ARFGEF1: variants seen among roughly 807,000 people sequenced by gnomAD.
ARFGEF1 encodes the protein brefeldin A-inhibited guanine nucleotide-exchange protein 1.
In ARFGEF1, 42 loss-of-function variants were observed where a neutral mutation model predicts 231.0. The ratio of observed to expected loss-of-function variants is 0.18; its 90% CI spans 0.14 to 0.24. The LOEUF (loss-of-function observed/expected upper bound fraction) is 0.24, where lower values mean the gene tolerates loss of function less well. Ranked by LOEUF, ARFGEF1 falls within the 10% of genes least tolerant of loss-of-function variation. ARFGEF1 has a pLI of 1.00. For synonymous variants in ARFGEF1, 710 were observed against 732.3 expected, an observed-to-expected ratio of 0.97 and a Z score of 0.49; for missense variants, 1,345 against 2,192.0, an observed-to-expected ratio of 0.61 and a Z score of 7.72.
chr8:67,211,663 T>C (rs769100088), intron 33 of ARFGEF1, 48 bp from the exon 34 acceptor site: 5 of 1,184,548 alleles, frequency 4.2e-6, no homozygotes, highest in East Asian at 2.8e-5. Context: ...ATAAAGTTTA[T>C]GGGTGAAAAT....
rs527275848 is a variant in ARFGEF1 at position 67,204,830 on chromosome 8, A to AC, written c.4820-12dup. 1.1e-4 allele frequency: 183 copies of AC among 1,598,594 alleles called. No individual in the cohort carries two copies. The highest frequency in any genetic ancestry group is 2.5e-4 in the South Asian group (22 of 89,466). ...TTTGTTCTGGAAATTCTGTGAGGAA[A>AC]CCCCCCCCAATGCACATGCAAACAA... On this transcript the variant is annotated splice_polypyrimidine_tract_variant and intron_variant, in intron 34 of 38. Coordinates refer to ENST00000262215, the MANE Select transcript of ARFGEF1 (RefSeq NM_006421.5).
intron 3 of ARFGEF1, among the ~76,000 whole-genome samples, chr8:67,300,660 CAAAAAAAAAAAAAAAAA>C (rs200434355): frequency 5.6e-5 from 5 of 88,666 alleles, no homozygotes; most frequent in Admixed American, 3.7e-4. Flanking sequence ...CTTGTCTCTT[CAAAAAAAAAAAAAAAAA>C]AAAAAAAAAT....
At chr8:67,234,649 A>G (rs188660394) in intron 22 of ARFGEF1, among the ~76,000 whole-genome samples, 9 of 152,278 alleles carry the variant, frequency 5.9e-5, no homozygotes, top group African/African-American at 2.2e-4. Context: ...TAGAAAAAAG[A>G]ATGTGAAGAG....
rs75510686 is a variant in ARFGEF1, at chr8:67,300,246, A to T, written c.313-891T>A. Reference sequence around the variant, plus strand: ...CACAATTCAGATGAACTTATCTTTAACCTATCCTTAAGGACAAATAATATG... The same window carrying T: ...CACAATTCAGATGAACTTATCTTTATCCTATCCTTAAGGACAAATAATATG... On this transcript the variant is annotated intron_variant, in intron 3 of 38. Coordinates refer to ENST00000262215, the MANE Select transcript of ARFGEF1 (RefSeq NM_006421.5). 9.1e-4 allele frequency among the ~76,000 whole-genome samples: 139 copies of T among 152,288 alleles called. 2 individuals carry two copies. In the East Asian group the frequency reaches 0.013, roughly 15 times the overall value.
At chr8:67,313,303 G>A (rs1301062599) in intron 1 of ARFGEF1, among the ~76,000 whole-genome samples, 1 of 152,142 alleles carries the variant, frequency 6.6e-6, no homozygotes, top group Non-Finnish European at 1.5e-5. Context: ...ATTTCTTCTT[G>A]GTTTGGATCC....
intron 22 of ARFGEF1, among the ~76,000 whole-genome samples, chr8:67,236,381 T>A (rs1449381088): frequency 0.023 from 1,207 of 52,074 alleles, 76 homozygotes; most frequent in African/African-American, 0.035. Flanking sequence ...TATATATATA[T>A]ATATATATAT....
intron 38 of ARFGEF1, 139 bp from the exon 39 acceptor site, chr8:67,199,237 G>A: frequency 1.1e-6 from 1 of 907,152 alleles, no homozygotes; most frequent in African/African-American, 1.8e-5. Context: ...TCTGGTTTGT[G>A]GAACTGAGAG....
chr8:67,306,570 G>A (rs1806756417), intron 1 of ARFGEF1, among the ~76,000 whole-genome samples: 2 of 151,194 alleles, frequency 1.3e-5, no homozygotes, highest in African/African-American at 4.9e-5. Flanking sequence ...TCCACTGACA[G>A]TACAAATACA....
rs775903269 is a variant in ARFGEF1 at position 67,227,341 on chromosome 8, C to A, written c.3744-32G>T. On this transcript the variant is annotated intron_variant, in intron 26 of 38. Coordinates refer to ENST00000262215, the MANE Select transcript of ARFGEF1 (RefSeq NM_006421.5). ...ATATTAATATAATTGCTTGGATATG[C>A]AAACCGATAAAACTCATCAGTTTTT... 2.5e-6 allele frequency: 4 copies of A among 1,602,562 alleles called. No homozygotes were observed. In the East Asian group the frequency reaches 8.9e-5, roughly 36 times the overall value.
chr8:67,236,998 T>G (rs1003897695), intron 22 of ARFGEF1, among the ~76,000 whole-genome samples: 8 of 152,204 alleles, frequency 5.3e-5, no homozygotes, highest in Non-Finnish European at 8.8e-5. Context: ...GTGTTTTATT[T>G]TTAGTGTAAC....
chr8:67,314,250 C>T (rs780068215), intron 1 of ARFGEF1, among the ~76,000 whole-genome samples: 2 of 152,158 alleles, frequency 1.3e-5, no homozygotes, highest in Non-Finnish European at 2.9e-5. Flanking sequence ...GTCTACAAGC[C>T]GCAGATGGAT....
intron 29 of ARFGEF1, 26 bp from the exon 30 acceptor site, chr8:67,219,586 AGCTGT>A (rs1393750613): frequency 6.4e-7 from 1 of 1,568,044 alleles, no homozygotes; most frequent in Admixed American, 1.9e-5. Context: ...ACAATTAGAA[AGCTGT>A]AATACAAAAA....
intron 1 of ARFGEF1, among the ~76,000 whole-genome samples, chr8:67,309,440 T>C (rs891299584): frequency 6.6e-6 from 1 of 152,340 alleles, no homozygotes; most frequent in East Asian, 1.9e-4. Context: ...AATGCTACCA[T>C]ATTCTGGAGA....
chr8:67,192,066 G>GTTT (rs34907123), intron 5 of ARFGEF1, among the ~76,000 whole-genome samples: 22 of 129,858 alleles, frequency 1.7e-4, no homozygotes, highest in South Asian at 9.7e-4. Flanking sequence ...TTGCTGATTT[G>GTTT]TTTTTTTTTT....
chr8:67,267,098 T>C lies in ARFGEF1; in HGVS notation c.1805A>G (p.Asn602Ser). The stretch of plus-strand genomic sequence containing the variant: ...TGTTTTTATAGTTCTTACCTGAACA[T>C]TACTCATACCAAGTTCTTGACTGCC... ...GRGSQELGMSNVQELSLRKKG... is the reference protein window; with the variant it reads ...GRGSQELGMSSVQELSLRKKG... Residue 602 changes from asparagine to serine, a missense_variant, in exon 12 of 39, where the codon AAT becomes AGT. Around this residue, in one of 14 missense-constraint regions of ARFGEF1, gnomAD observed 141 missense variants for 259.9 expected, o/e 0.54. Coordinates refer to ENST00000262215, the MANE Select transcript of ARFGEF1 (RefSeq NM_006421.5). 4 of 1,612,936 alleles carry C rather than the reference T, an allele frequency of 2.5e-6. No homozygotes were observed. The South Asian group carries it at 3.3e-5, about 13-fold the overall frequency.
chr8:67,235,082 ATATG>A (rs200525753), intron 22 of ARFGEF1, among the ~76,000 whole-genome samples: 5 of 145,634 alleles, frequency 3.4e-5, no homozygotes, highest in African/African-American at 8.0e-5. Flanking sequence ...ATATATATAT[ATATG>A]TGTGTGTGTG....
At chr8:67,232,582 G>C (rs1839589616) in intron 23 of ARFGEF1, among the ~76,000 whole-genome samples, 2 of 151,990 alleles carry the variant, frequency 1.3e-5, no homozygotes, top group South Asian at 4.2e-4. Context: ...TAAAACATTT[G>C]TATTCTTTTC....
chr8:67,241,474 G>GA (rs372832232), intron 19 of ARFGEF1, among the ~76,000 whole-genome samples: 59 of 148,370 alleles, frequency 4.0e-4, no homozygotes, highest in Admixed American at 2.1e-3. Flanking sequence ...TTAAGGCAGT[G>GA]AAAAAAAAAA....
intron 19 of ARFGEF1, 76 bp from the exon 20 acceptor site, chr8:67,240,366 A>G: frequency 7.6e-7 from 1 of 1,317,516 alleles, no homozygotes. Flanking sequence ...TTTAGACAAT[A>G]CAAGTTCTGA....
Sources: gnomAD v4.1 joint callset for allele counts (sites outside exome capture counted in the v4.1 genomes callset) on GRCh38, gnomAD v4.1.1 for gene constraint, gnomAD v4.1.1 regional missense constraint, MANE v1.5 for transcripts, NCBI Gene and HGNC (gene_info 2026-07-23, HGNC 2026-07-21) for gene names.